RICTOR: variants seen among roughly 807,000 people sequenced by gnomAD.
RICTOR encodes RPTOR independent companion of MTOR complex 2, also known as rapamycin-insensitive companion of mTOR.
In RICTOR, 49 loss-of-function variants were observed where a neutral mutation model predicts 214.9. The observed-to-expected ratio is 0.23, with a 90% confidence interval of 0.18 to 0.29. The LOEUF (loss-of-function observed/expected upper bound fraction) is 0.29, where lower values mean the gene tolerates loss of function less well. Ranked by LOEUF, RICTOR falls within the 10% of genes least tolerant of loss-of-function variation. The probability of loss-of-function intolerance (pLI) is 1.00; values close to 1 mark genes in which losing one functional copy is unlikely to be tolerated. For missense variants in RICTOR, 1,625 were observed against 2,047.0 expected (o/e 0.79, Z 3.98); for synonymous variants, 717 against 711.3 (o/e 1.01, Z -0.13).
chr5:38,967,282 T>C, intron 13 of RICTOR, 55 bp from the exon 14 acceptor site: 4 of 1,595,192 alleles, frequency 2.5e-6, no homozygotes, highest in Non-Finnish European at 3.4e-6. Flanking sequence ...TTACACAGTC[T>C]AACATAAAAA....
At chr5:39,025,025 C>A (rs952311357) in intron 2 of RICTOR, among the ~76,000 whole-genome samples, 1 of 152,156 alleles carries the variant, frequency 6.6e-6, no homozygotes, top group African/African-American at 2.4e-5. Flanking sequence ...CAACAAACTG[C>A]ATGCACATAA....
chr5:38,968,874 C>T (rs1489415283), intron 11 of RICTOR, among the ~76,000 whole-genome samples: 1 of 151,748 alleles, frequency 6.6e-6, no homozygotes, highest in Non-Finnish European at 1.5e-5. Flanking sequence ...GGAGACATTC[C>T]AGACATACAA....
intron 2 of RICTOR, among the ~76,000 whole-genome samples, chr5:39,042,161 G>A (rs2150171930): frequency 6.6e-6 from 1 of 152,080 alleles, no homozygotes; most frequent in East Asian, 1.9e-4. Flanking sequence ...TATGAAACAT[G>A]CTATAAAGGC....
chr5:38,939,837 TATC>T lies in RICTOR; in HGVS notation c.*2464_*2466del, dbSNP rs774357765. 8.9e-6 allele frequency: 2 copies of T among 224,164 alleles called. No homozygotes were observed. The highest frequency in any genetic ancestry group is 1.8e-5 in the Non-Finnish European group (2 of 112,250). 13.9% of individuals were successfully genotyped at this position (224,164 alleles called of 1,614,324 possible). A position where few individuals can be genotyped will look rare whatever the true frequency, so the allele number is the denominator to read the frequency against. On this transcript the variant is annotated 3_prime_UTR_variant, in exon 38 of 38. Transcript: ENST00000357387. ...TCTCAATTATTTCTATTACTGCTGA[TATC>T]ATTCCTAACCTCTTCTGCTATAATT...
At chr5:39,034,227 T>C (rs1400724687) in intron 2 of RICTOR, among the ~76,000 whole-genome samples, 1 of 152,252 alleles carries the variant, frequency 6.6e-6, no homozygotes, top group Non-Finnish European at 1.5e-5. Context: ...AACTGTCAAA[T>C]ATAGATGAGG....
At chr5:39,004,443 A>G (rs1054994800) in intron 3 of RICTOR, among the ~76,000 whole-genome samples, 10 of 150,302 alleles carry the variant, frequency 6.7e-5, no homozygotes, top group Middle Eastern at 3.4e-3. Context: ...TTTGAAAGTC[A>G]TGTCATTTAT....
At position 39,003,561 on chromosome 5, in the gene RICTOR, A is replaced by G. The variant is rs1561520586; in HGVS notation, c.257T>C (p.Ile86Thr). The part of the protein sequence containing the change: ...KLGFHYEDII[I>T]CLRLALLNEA... The stretch of plus-strand genomic sequence containing the variant: ...GGGGGGAATGAACCACACTTACCAA[A>G]TTATGATATCCTCATAGTGAAAGCC... Residue 86 changes from isoleucine (I) to threonine (T), a missense_variant, in exon 4 of 38, where the codon ATT (isoleucine) becomes ACT (threonine). Transcript: ENST00000357387. 6.2e-7 allele frequency: 1 copy of G among 1,601,644 alleles called. No individual in the cohort carries two copies. The highest frequency in any genetic ancestry group is 1.7e-5 in the Admixed American group (1 of 59,608).
intron 25 of RICTOR, among the ~76,000 whole-genome samples, chr5:38,956,709 T>C (rs1749294352): frequency 6.6e-6 from 1 of 152,144 alleles, no homozygotes; most frequent in African/African-American, 2.4e-5. Flanking sequence ...TTTTATGCTA[T>C]TTTCAAGCAC....
intron 17 of RICTOR, 57 bp downstream of exon 17, chr5:38,962,819 T>C: frequency 1.4e-6 from 2 of 1,412,660 alleles, no homozygotes; most frequent in Non-Finnish European, 2.0e-6. Context: ...TAAAATCCAG[T>C]GGTTAAGGAA....
chr5:38,958,831 CCTAT>C lies in RICTOR; in HGVS notation c.2179-4_2179-1del. ...TGTTTTGTTGCATAGAGTCTGCAGG[CCTAT>C]AAGGATAAATGAATACATTAAAAAA... On this transcript the variant is annotated splice_acceptor_variant and splice_polypyrimidine_tract_variant and intron_variant, in intron 22 of 37. Transcript: ENST00000357387. LOFTEE classifies it high-confidence loss of function. 1 of 1,551,394 alleles carries C rather than the reference CCTAT, an allele frequency of 6.4e-7. No individual in the cohort carries two copies. Among genetic ancestry groups the C allele is most frequent in the Non-Finnish European group, 8.7e-7 (1 of 1,153,378 alleles).
At chr5:38,988,438 A>G (rs1752338633) in intron 7 of RICTOR, among the ~76,000 whole-genome samples, 1 of 152,070 alleles carries the variant, frequency 6.6e-6, no homozygotes, top group Non-Finnish European at 1.5e-5. Context: ...TCCCTTTACC[A>G]TTATGTAATG....
Position 38,990,330 on chromosome 5 carries a change from C to G in RICTOR, c.583+619G>C, listed in dbSNP as rs139170755. Among the ~76,000 whole-genome samples the G allele has an allele frequency of 5.8e-3, 879 of 150,632 alleles. 13 individuals are homozygous for G. Among genetic ancestry groups the G allele is most frequent in the African/African-American group, 0.019 (772 of 40,938 alleles). ...ACACAGGGAGAGGAACATCACACAC[C>G]GGGGCCTATCAGGGGTCGGGGGAGG... On this transcript the variant is annotated intron_variant, in intron 7 of 37. Transcript: ENST00000357387.
chr5:38,988,230 G>C (rs1752322962), intron 7 of RICTOR, among the ~76,000 whole-genome samples: 1 of 152,040 alleles, frequency 6.6e-6, no homozygotes, highest in Non-Finnish European at 1.5e-5. Context: ...GCTTGGTCCA[G>C]AGCTAAGTCC....
chr5:39,049,634 C>CAA (rs1159136565), intron 2 of RICTOR, among the ~76,000 whole-genome samples: 1 of 53,430 alleles, frequency 1.9e-5, no homozygotes. Flanking sequence ...AGAGAACATT[C>CAA]AAAAAAAAAA....
intron 2 of RICTOR, among the ~76,000 whole-genome samples, chr5:39,040,356 T>G (rs62359841): frequency 0.054 from 8,044 of 147,998 alleles, 260 homozygotes; most frequent in Middle Eastern, 0.072. Context: ...TTAGGAGATA[T>G]ACCTAATGTT....
In RICTOR at chr5:38,946,522, T is replaced by C; in HGVS notation, c.4345A>G (p.Asn1449Asp). The C allele has an allele frequency of 6.2e-7, 1 of 1,611,172 alleles. No homozygotes were observed. Among genetic ancestry groups the C allele is most frequent in the Non-Finnish European group, 8.5e-7 (1 of 1,177,418 alleles). ...CCTCGATCATCATGTGGTGGTATGTTTTTTGTCTGAAAATAGGGAATATCC... is the reference window on the plus strand; with the variant it reads ...CCTCGATCATCATGTGGTGGTATGTCTTTTGTCTGAAAATAGGGAATATCC... ...VKDIPYFQTKNIPPHDDRGAR... is the reference protein window; with the variant it reads ...VKDIPYFQTKDIPPHDDRGAR... The change falls in exon 33 of 38, where the codon AAC becomes GAC. Residue 1449 changes from asparagine to aspartate, a missense_variant. Asn to Asp is a conservative substitution (Grantham distance 23). This residue lies in a region of RICTOR where 1,214 missense variants were observed against 1,470.5 expected (regional missense o/e 0.83). Transcript: ENST00000357387.
rs1271611486 is a variant in RICTOR, at chr5:38,946,528, T to C, written c.4339A>G (p.Thr1447Ala). The C allele has an allele frequency of 6.2e-7, 1 of 1,609,868 alleles. No individual in the cohort carries two copies. Among genetic ancestry groups the C allele is most frequent in the Non-Finnish European group, 8.5e-7 (1 of 1,176,252 alleles). ...TCATCATGTGGTGGTATGTTTTTTG[T>C]CTGAAAATAGGGAATATCCTTTACC... ...FQVKDIPYFQ[T>A]KNIPPHDDRG... Residue 1447 changes from threonine to alanine, a missense_variant, in exon 33 of 38, where the codon ACA (threonine) becomes GCA (alanine). By Grantham distance (58) the Thr-to-Ala change is moderately conservative. Around this residue, in one of 5 missense-constraint regions of RICTOR, gnomAD observed 1,214 missense variants for 1,470.5 expected, o/e 0.83. Coordinates refer to ENST00000357387, the MANE Select transcript of RICTOR (RefSeq NM_152756.5).
At chr5:39,031,779 T>C (rs981423940) in intron 2 of RICTOR, among the ~76,000 whole-genome samples, 1 of 152,182 alleles carries the variant, frequency 6.6e-6, no homozygotes, top group African/African-American at 2.4e-5. Context: ...ATTAAACAAT[T>C]ACACAAATCT....
At chr5:39,006,734 A>AGGGGAGAGGAG (rs1464636130) in intron 3 of RICTOR, among the ~76,000 whole-genome samples, 1 of 40,028 alleles carries the variant, frequency 2.5e-5, no homozygotes, top group African/African-American at 1.1e-4. Flanking sequence ...AGGGGAGAGG[A>AGGGGAGAGGAG]GGGGAGAGGA....
Sources: allele counts gnomAD v4.1 joint callset (sites outside exome capture counted in the v4.1 genomes callset), GRCh38; gene constraint gnomAD v4.1.1; regional missense constraint gnomAD v4.1.1; transcripts MANE v1.5; gene names NCBI Gene and HGNC (gene_info 2026-07-23, HGNC 2026-07-21).